VPS13B: variants seen among roughly 807,000 people sequenced by gnomAD.
VPS13B encodes intermembrane lipid transfer protein VPS13B.
A neutral mutation model predicts 426.4 loss-of-function variants in VPS13B; 285 were observed. The observed-to-expected ratio is 0.67, with a 90% CI of 0.61 to 0.74. The LOEUF is 0.74. VPS13B is among the 30% of genes least tolerant of loss of function. VPS13B has a pLI of 0.00. For missense variants in VPS13B, 4,537 were observed against 4,782.6 expected (o/e 0.95, Z 1.51); for synonymous variants, 1,676 against 1,676.4 (o/e 1.00, Z 0.01).
intron 30 of VPS13B, among the ~76,000 whole-genome samples, chr8:99,544,692 A>AAC (rs1554839747): frequency 6.6e-6 from 1 of 151,610 alleles, no homozygotes; most frequent in Non-Finnish European, 1.5e-5. Context: ...ATGTGCTGCA[A>AAC]AACAACAACA....
At chr8:99,106,362 G>C (rs2132466160) in intron 5 of VPS13B, among the ~76,000 whole-genome samples, 1 of 146,272 alleles carries the variant, frequency 6.8e-6, no homozygotes, top group Non-Finnish European at 1.5e-5. Flanking sequence ...TTGAACCCAG[G>C]AGGCGGAGGC....
At chr8:99,671,646 G>A (rs1394007644) in intron 35 of VPS13B, among the ~76,000 whole-genome samples, 1 of 151,988 alleles carries the variant, frequency 6.6e-6, no homozygotes, top group African/African-American at 2.4e-5. Flanking sequence ...AAGCTTTTGG[G>A]TTTGTTTGTT....
chr8:99,067,277 A>G lies in VPS13B; in HGVS notation c.291+28711A>G, dbSNP rs562444571. On this transcript the variant is annotated intron_variant, in intron 3 of 61. Transcript: ENST00000357162. ...GTCAATGATAGACTGGATTAAGAAAATGTGGCACATATACACCATGGAATA... is the reference window on the plus strand; with the variant it reads ...GTCAATGATAGACTGGATTAAGAAAGTGTGGCACATATACACCATGGAATA... Among the ~76,000 whole-genome samples, 5 of 152,318 alleles carry G rather than the reference A, an allele frequency of 3.3e-5. No individual in the cohort carries two copies. The South Asian group carries it at 6.2e-4, about 19-fold the overall frequency.
chr8:99,632,748 A>G (rs1164411879), intron 33 of VPS13B, among the ~76,000 whole-genome samples: 1 of 152,026 alleles, frequency 6.6e-6, no homozygotes, highest in African/African-American at 2.4e-5. Context: ...ATTACTTTTT[A>G]AGGTATTGAT....
intron 61 of VPS13B, chr8:99,873,161 C>G (rs1360888226): frequency 6.6e-6 from 1 of 152,168 alleles, no homozygotes; most frequent in Non-Finnish European, 1.5e-5. Context: ...ATCATGATTC[C>G]TTAGCTGCTT....
At chr8:99,659,874 C>G (rs1198040853) in intron 34 of VPS13B, among the ~76,000 whole-genome samples, 1 of 152,170 alleles carries the variant, frequency 6.6e-6, no homozygotes, top group Non-Finnish European at 1.5e-5. Context: ...CACGGTACCA[C>G]TTACCTGATA....
chr8:99,574,562 G>A (rs1400182173), intron 31 of VPS13B, among the ~76,000 whole-genome samples: 4 of 152,122 alleles, frequency 2.6e-5, no homozygotes, highest in East Asian at 1.9e-4. Flanking sequence ...AGATAATCAC[G>A]TGGTCTTTGT....
Position 99,876,363 on chromosome 8 carries a change from TC to T in VPS13B, c.*698del, listed in dbSNP as rs1373761113. On this transcript the variant is annotated 3_prime_UTR_variant, in exon 62 of 62. Coordinates refer to ENST00000357162, the MANE Select transcript of VPS13B (RefSeq NM_152564.5). ...TGCATTTTACTAAAATTTACAACAGTCTGATGATTGATTGATTACTGTCCAG... is the reference window on the plus strand; with the variant it reads ...TGCATTTTACTAAAATTTACAACAGTTGATGATTGATTGATTACTGTCCAG... The T allele has an allele frequency of 4.2e-4, 59 of 141,338 alleles. No individual in the cohort carries two copies. The highest frequency in any genetic ancestry group is 1.7e-3 in the African/African-American group (58 of 34,100). 8.8% of individuals were successfully genotyped at this position (141,338 alleles called of 1,614,324 possible).
At chr8:99,134,823 C>A (rs1002249607) in intron 9 of VPS13B, 96 bp downstream of exon 9, 1 of 1,215,648 alleles carries the variant, frequency 8.2e-7, no homozygotes, top group Admixed American at 2.2e-5. Context: ...TTTAAAAATA[C>A]AAGTAAGATG....
At chr8:99,119,863 T>A (rs2132511193) in intron 7 of VPS13B, among the ~76,000 whole-genome samples, 1 of 152,116 alleles carries the variant, frequency 6.6e-6, no homozygotes, top group South Asian at 2.1e-4. Flanking sequence ...GACTAATTTT[T>A]CCATGGTGTT....
chr8:99,531,841 A>T (rs1822952586), intron 30 of VPS13B, among the ~76,000 whole-genome samples: 2 of 152,102 alleles, frequency 1.3e-5, no homozygotes, highest in African/African-American at 4.8e-5. Flanking sequence ...GTATATATCG[A>T]CCACCTATAT....
chr8:99,164,155 C>T (rs1440390686), intron 15 of VPS13B, among the ~76,000 whole-genome samples: 3 of 152,218 alleles, frequency 2.0e-5, no homozygotes, highest in Non-Finnish European at 4.4e-5. Flanking sequence ...TAGTTGAACT[C>T]ATTTGGGGTT....
intron 3 of VPS13B, among the ~76,000 whole-genome samples, chr8:99,056,217 C>T (rs143862593): frequency 1.2e-4 from 18 of 151,948 alleles, no homozygotes; most frequent in Middle Eastern, 3.4e-3. Flanking sequence ...CCACTATGCC[C>T]GGCTAATTTT....
At chr8:99,751,706 C>T (rs1222362659) in intron 39 of VPS13B, among the ~76,000 whole-genome samples, 2 of 152,154 alleles carry the variant, frequency 1.3e-5, no homozygotes, top group Non-Finnish European at 2.9e-5. Context: ...TATAAAATCA[C>T]TTTCAATAAA....
intron 17 of VPS13B, among the ~76,000 whole-genome samples, chr8:99,213,163 A>T (rs1815194460): frequency 6.6e-6 from 1 of 152,094 alleles, no homozygotes; most frequent in African/African-American, 2.4e-5. Flanking sequence ...TTTTTTGTAC[A>T]CATCACTCTT....
chr8:99,780,043 T>TGGAA (rs1811934769), intron 42 of VPS13B, among the ~76,000 whole-genome samples: 1 of 152,206 alleles, frequency 6.6e-6, no homozygotes, highest in Non-Finnish European at 1.5e-5. Flanking sequence ...AGGAATTAAT[T>TGGAA]ACCTAACATG....
At chr8:99,467,967 C>G (rs1819198704) in intron 24 of VPS13B, among the ~76,000 whole-genome samples, 1 of 152,148 alleles carries the variant, frequency 6.6e-6, no homozygotes, top group Non-Finnish European at 1.5e-5. Flanking sequence ...AATTTTCATT[C>G]AGATTCTCAC....
rs78773588 is a variant in VPS13B, at chr8:99,549,201, C to G, written c.4746-7249C>G. Among the ~76,000 whole-genome samples, 330 of 152,182 alleles carry G rather than the reference C, an allele frequency of 2.2e-3. 1 individual carries two copies. The highest frequency in any genetic ancestry group is 7.7e-3 in the African/African-American group (320 of 41,552). Reference sequence around the variant, plus strand: ...AGTAAGAGGTCTATTGCATACTAACCAGCATACTGTTAAAACACTGTTAAG... The same window carrying G: ...AGTAAGAGGTCTATTGCATACTAACGAGCATACTGTTAAAACACTGTTAAG... On this transcript the variant is annotated intron_variant, in intron 30 of 61. Coordinates refer to ENST00000357162, the MANE Select transcript of VPS13B (RefSeq NM_152564.5).
chr8:99,446,237 T>C (rs1458475657), intron 23 of VPS13B, among the ~76,000 whole-genome samples: 1 of 151,484 alleles, frequency 6.6e-6, no homozygotes, highest in Non-Finnish European at 1.5e-5. Context: ...TTTCTTTGCC[T>C]TTTTTTTTGA....
Sources: allele counts gnomAD v4.1 joint callset (sites outside exome capture counted in the v4.1 genomes callset), GRCh38; gene constraint gnomAD v4.1.1; transcripts MANE v1.5; gene names NCBI Gene and HGNC (gene_info 2026-07-23, HGNC 2026-07-21).